PCYT1B: variants seen among roughly 807,000 people sequenced by gnomAD.
PCYT1B encodes the protein phosphate cytidylyltransferase 1B, choline.
PCYT1B carries 10 observed loss-of-function variants against 26.4 expected under a neutral mutation model. That is an observed-to-expected ratio of 0.38 (90% CI 0.23 to 0.64). The LOEUF is 0.64. Ranked by LOEUF, PCYT1B falls within the 30% of genes least tolerant of loss-of-function variation. The pLI is 0.56. For missense variants in PCYT1B, 161 were observed against 292.7 expected, an observed-to-expected ratio of 0.55 and a Z score of 3.28; for synonymous variants, 131 against 108.4, an observed-to-expected ratio of 1.21 and a Z score of -1.29.
chrX:24,625,900 G>A lies in PCYT1B; in HGVS notation c.118-6816C>T, dbSNP rs181598900. ...AGGCCAAGGCAGGTGGATCGCCTGA[G>A]GTCAGGAGTTCAAGACCAGCCTGGC... On this transcript the variant is annotated intron_variant, in intron 1 of 7. Transcript: ENST00000379144. Among the ~76,000 whole-genome samples the A allele has an allele frequency of 1.5e-3, 166 of 108,050 alleles. 1 individual carries two copies. The highest frequency in any genetic ancestry group is 0.013 in the Admixed American group (129 of 9,858). The allele number at this position is 108,050 out of a possible 115,157, so 93.8% of individuals were successfully genotyped here.
intron 7 of PCYT1B, among the ~76,000 whole-genome samples, chrX:24,573,781 C>T (rs1198130367): frequency 9.0e-6 from 1 of 111,314 alleles, no homozygotes; most frequent in Non-Finnish European, 1.9e-5. Flanking sequence ...ATTAACTTAT[C>T]TGAGCTGAAA....
chrX:24,646,935 G>T, intron 1 of PCYT1B, 54 bp downstream of exon 1: 1 of 995,309 alleles, frequency 1.0e-6, no homozygotes, highest in Non-Finnish European at 1.4e-6. Context: ...GGCGCATAAG[G>T]AACTCTTTTA....
chrX:24,644,449 TACACACACACAC>T (rs201474505), intron 1 of PCYT1B, among the ~76,000 whole-genome samples: 54 of 95,354 alleles, frequency 5.7e-4, no homozygotes, highest in Admixed American at 1.9e-3. Flanking sequence ...ATGTGCATGA[TACACACACACAC>T]ACACACACAC....
intron 1 of PCYT1B, among the ~76,000 whole-genome samples, chrX:24,668,523 C>G (rs1261067518): frequency 1.8e-5 from 2 of 111,052 alleles, no homozygotes; most frequent in African/African-American, 3.3e-5. Flanking sequence ...TTTATTGAAC[C>G]CTTATTTCAT....
chrX:24,657,044 A>G (rs1176473473), intron 1 of PCYT1B, among the ~76,000 whole-genome samples: 1 of 112,255 alleles, frequency 8.9e-6, no homozygotes, highest in Non-Finnish European at 1.9e-5. Context: ...GCTGGAATAA[A>G]TCATTCTTAT....
intron 1 of PCYT1B, among the ~76,000 whole-genome samples, chrX:24,669,542 T>A (rs747431980): frequency 1.4e-4 from 15 of 103,678 alleles, no homozygotes; most frequent in African/African-American, 4.9e-4. Flanking sequence ...CTAGTGTGAC[T>A]GAGGAACTGA....
intron 3 of PCYT1B, among the ~76,000 whole-genome samples, chrX:24,605,709 G>T (rs1925106121): frequency 9.0e-6 from 1 of 111,653 alleles, no homozygotes; most frequent in South Asian, 3.8e-4. Flanking sequence ...TGGATCACCT[G>T]AGGCCAGGAG....
chrX:24,613,370 C>T (rs955258849), intron 2 of PCYT1B, among the ~76,000 whole-genome samples: 5 of 111,441 alleles, frequency 4.5e-5, no homozygotes, highest in African/African-American at 1.6e-4. Context: ...TTGTAGTTAC[C>T]TTCTGCTTAT....
At chrX:24,617,371 G>GTTTTT (rs201674610) in intron 2 of PCYT1B, among the ~76,000 whole-genome samples, 57 of 80,219 alleles carry the variant, frequency 7.1e-4, no homozygotes, top group Non-Finnish European at 9.1e-4. Context: ...TGGTTTGTTT[G>GTTTTT]TTTTTTTTTT....
chrX:24,609,303 T>C (rs1437855540), intron 2 of PCYT1B, among the ~76,000 whole-genome samples: 2 of 111,291 alleles, frequency 1.8e-5, no homozygotes, highest in East Asian at 5.6e-4. Flanking sequence ...CCCAAGTAGC[T>C]GGGATTACAG....
intron 1 of PCYT1B, among the ~76,000 whole-genome samples, chrX:24,670,977 T>C (rs1927243288): frequency 1.8e-5 from 2 of 109,745 alleles, no homozygotes; most frequent in African/African-American, 3.3e-5. Flanking sequence ...AATCTAGTTG[T>C]TTTTTTTGGC....
intron 7 of PCYT1B, among the ~76,000 whole-genome samples, chrX:24,569,277 A>C (rs982729212): frequency 2.2e-4 from 25 of 111,173 alleles, no homozygotes; most frequent in South Asian, 1.1e-3. Flanking sequence ...AAAAAAAAAA[A>C]CAAAGAAACA....
intron 1 of PCYT1B, among the ~76,000 whole-genome samples, chrX:24,661,928 C>T (rs985311765): frequency 4.5e-5 from 5 of 111,771 alleles, no homozygotes; most frequent in African/African-American, 1.6e-4. Context: ...CTTAAGGAGG[C>T]CAGGACCAGA....
At chrX:24,648,406 A>G (rs1190886692), upstream of PCYT1B, among the ~76,000 whole-genome samples, 3 of 104,237 alleles carry the variant, frequency 2.9e-5, no homozygotes, top group African/African-American at 1.1e-4. Flanking sequence ...ACAGGTATTC[A>G]CATTCACAAA....
Position 24,562,153 on chromosome X carries a change from C to T in PCYT1B, c.*140G>A. The T allele has an allele frequency of 1.7e-6, 2 of 1,208,656 alleles. No individual in the cohort carries two copies. Among genetic ancestry groups the T allele is most frequent in the South Asian group, 1.8e-5 (1 of 56,201 alleles). On this transcript the variant is annotated 3_prime_UTR_variant, in exon 8 of 8. Transcript: ENST00000379144. ...AGTGAGAGAGAACTGGTCCCAAGAC[C>T]TTCCCTTAGCAGAGTTCAGGGTCTC... is the stretch of plus-strand genomic sequence containing the variant.
intron 2 of PCYT1B, among the ~76,000 whole-genome samples, chrX:24,614,218 C>T (rs1925410735): frequency 8.9e-6 from 1 of 112,025 alleles, no homozygotes; most frequent in South Asian, 3.7e-4. Flanking sequence ...TTTCATCACC[C>T]TTGTGACCTC....
At chrX:24,577,619 C>A (rs1415913264) in intron 6 of PCYT1B, among the ~76,000 whole-genome samples, 1 of 111,983 alleles carries the variant, frequency 8.9e-6, no homozygotes, top group African/African-American at 3.2e-5. Context: ...CACTCCCTGC[C>A]TTGTGAGGAC....
chrX:24,569,370 A>G (rs1923745083), intron 7 of PCYT1B, among the ~76,000 whole-genome samples: 1 of 111,310 alleles, frequency 9.0e-6, no homozygotes, highest in Admixed American at 9.6e-5. Context: ...TGCGGCCACT[A>G]TGGAAAACAG....
At chrX:24,660,734 T>C (rs1467625804) in intron 1 of PCYT1B, among the ~76,000 whole-genome samples, 3 of 108,422 alleles carry the variant, frequency 2.8e-5, no homozygotes, top group Non-Finnish European at 5.7e-5. Flanking sequence ...TGAGAGTAGC[T>C]ATATGCGGTC....
Sources: allele counts gnomAD v4.1 joint callset (sites outside exome capture counted in the v4.1 genomes callset), GRCh38; gene constraint gnomAD v4.1.1; transcripts MANE v1.5; gene names NCBI Gene and HGNC (gene_info 2026-07-23, HGNC 2026-07-21).